The following PCDH15 variants were observed in gnomAD, a reference collection of about 807,000 sequenced individuals.
The protein encoded by PCDH15 is protocadherin-15.
Under a neutral mutation model 178.5 loss-of-function variants are expected in PCDH15, and 129 were observed. That is an observed-to-expected ratio of 0.72 (90% CI 0.63 to 0.84). The LOEUF is 0.84. PCDH15 is among the 40% of genes least tolerant of loss of function. PCDH15 has a pLI of 0.00. For missense variants in PCDH15, 2,230 were observed against 2,099.9 expected (o/e 1.06, Z -1.21); for synonymous variants, 800 against 732.0 (o/e 1.09, Z -1.50).
intron 15 of PCDH15, among the ~76,000 whole-genome samples, chr10:54,110,129 C>A (rs1042836787): frequency 2.6e-5 from 4 of 151,890 alleles, no homozygotes; most frequent in African/African-American, 7.3e-5. Flanking sequence ...GGGGTGAGGG[C>A]TGCATCTGTG....
chr10:54,394,437 GC>G (rs1950947146), intron 3 of PCDH15, among the ~76,000 whole-genome samples: 2 of 152,044 alleles, frequency 1.3e-5, no homozygotes, highest in African/African-American at 4.8e-5. Flanking sequence ...GTTCCGTGAT[GC>G]CCCACAAGCC....
intron 11 of PCDH15, among the ~76,000 whole-genome samples, chr10:54,190,053 G>A (rs1399545764): frequency 6.7e-6 from 1 of 148,490 alleles, no homozygotes; most frequent in Admixed American, 6.7e-5. Flanking sequence ...GTGGCCCTTG[G>A]AATTCTTTCT....
At chr10:53,880,252 C>T (rs77651819) in intron 26 of PCDH15, among the ~76,000 whole-genome samples, 3,538 of 152,216 alleles carry the variant, frequency 0.023, 141 homozygotes, top group African/African-American at 0.08. Context: ...AGATTCAACC[C>T]ATGGGCCCAA....
chr10:55,392,258 G>GA (rs1837811331), intron 2 of PCDH15, among the ~76,000 whole-genome samples: 1 of 152,122 alleles, frequency 6.6e-6, no homozygotes, highest in African/African-American at 2.4e-5. Flanking sequence ...CATTCTCTTG[G>GA]AAAAATGGTG....
intron 2 of PCDH15, among the ~76,000 whole-genome samples, chr10:54,983,552 T>C (rs1321414809): frequency 3.9e-5 from 6 of 152,086 alleles, no homozygotes; most frequent in African/African-American, 1.4e-4. Flanking sequence ...TGAGAAGAAA[T>C]AGTAACCCAG....
At chr10:55,097,527 A>C (rs1318095010) in intron 2 of PCDH15, among the ~76,000 whole-genome samples, 2 of 152,166 alleles carry the variant, frequency 1.3e-5, no homozygotes, top group Non-Finnish European at 2.9e-5. Context: ...TATTGACAAA[A>C]TATACAATTC....
At chr10:54,346,752 A>G (rs893765855) in intron 5 of PCDH15, among the ~76,000 whole-genome samples, 1 of 152,244 alleles carries the variant, frequency 6.6e-6, no homozygotes, top group African/African-American at 2.4e-5. Context: ...ACCAATTTAT[A>G]GCCATTAGTA....
chr10:54,775,376 C>T (rs1949572479), intron 1 of PCDH15, among the ~76,000 whole-genome samples: 1 of 152,104 alleles, frequency 6.6e-6, no homozygotes, highest in South Asian at 2.1e-4. Context: ...AATAGTTATA[C>T]ATGTTTATGG....
intron 20 of PCDH15, among the ~76,000 whole-genome samples, chr10:53,997,619 A>C (rs186267226): frequency 3.3e-5 from 5 of 152,302 alleles, no homozygotes; most frequent in African/African-American, 1.2e-4. Context: ...AACAAAAAAA[A>C]TGTATATACT....
At chr10:54,717,873 A>C (rs1205365267) in intron 1 of PCDH15, among the ~76,000 whole-genome samples, 3 of 143,628 alleles carry the variant, frequency 2.1e-5, no homozygotes, top group Non-Finnish European at 4.6e-5. Context: ...AATGTCCAAC[A>C]ATGATAAACT....
At chr10:54,650,941 G>T (rs750520102) in intron 2 of PCDH15, among the ~76,000 whole-genome samples, 17 of 152,046 alleles carry the variant, frequency 1.1e-4, no homozygotes, top group African/African-American at 1.7e-4. Flanking sequence ...AAGTAGGTAG[G>T]AATTATGTGT....
intron 9 of PCDH15, among the ~76,000 whole-genome samples, chr10:54,216,002 C>CACTGCACT (rs377499264): frequency 0.58 from 79,391 of 137,274 alleles, 24,918 homozygotes; most frequent in Non-Finnish European, 0.7. Context: ...GAGATCGTAC[C>CACTGCACT]ACTGCACTAC....
chr10:54,570,388 C>T (rs2089644337), intron 2 of PCDH15, among the ~76,000 whole-genome samples: 3 of 151,946 alleles, frequency 2.0e-5, no homozygotes, highest in Non-Finnish European at 2.9e-5. Context: ...ATAATATTTT[C>T]AAAATGTACT....
intron 2 of PCDH15, among the ~76,000 whole-genome samples, chr10:55,142,246 A>G (rs1029011713): frequency 3.0e-4 from 45 of 152,142 alleles, no homozygotes; most frequent in Non-Finnish European, 1.0e-4. Flanking sequence ...TATTATAGAA[A>G]AAAAGAACAA....
intron 3 of PCDH15, among the ~76,000 whole-genome samples, chr10:54,522,314 T>A (rs1392687632): frequency 6.6e-6 from 1 of 152,154 alleles, no homozygotes; most frequent in Admixed American, 6.5e-5. Context: ...CTACATACAT[T>A]CAATCAACAT....
At position 55,195,486 on chromosome 10, in the gene PCDH15, CAAAA is replaced by C. The variant is rs34476628; in HGVS notation, c.-155-28839_-155-28836del. The stretch of plus-strand genomic sequence containing the variant: ...TGAAACCCTATTTCTACTAAAAATA[CAAAA>C]AAAAAAAAAAAAAAAATTAGGCGGG... On this transcript the variant is annotated intron_variant, in intron 1 of 5. Transcript: ENST00000458638. Among the ~76,000 whole-genome samples, 169 of 115,186 alleles carry C rather than the reference CAAAA, an allele frequency of 1.5e-3. 2 individuals carry two copies. The highest frequency in any genetic ancestry group is 8.2e-3 in the South Asian group (27 of 3,302). 75.6% of individuals were successfully genotyped at this position (115,186 alleles called of 152,430 possible). A position where few individuals can be genotyped will look rare whatever the true frequency, so the allele number is the denominator to read the frequency against.
intron 8 of PCDH15, among the ~76,000 whole-genome samples, chr10:54,316,975 G>A (rs2133640538): frequency 6.6e-6 from 1 of 152,148 alleles, no homozygotes; most frequent in African/African-American, 2.4e-5. Flanking sequence ...CTGATTATTT[G>A]GAGTTTTTCA....
chr10:55,268,813 T>A (rs1165327945), intron 1 of PCDH15, among the ~76,000 whole-genome samples: 1 of 151,994 alleles, frequency 6.6e-6, no homozygotes, highest in Admixed American at 6.6e-5. Flanking sequence ...AAGTGAAAAA[T>A]TTTAATAGTG....
chr10:54,954,308 T>C (rs1838422345), intron 2 of PCDH15, among the ~76,000 whole-genome samples: 1 of 151,340 alleles, frequency 6.6e-6, no homozygotes, highest in Non-Finnish European at 1.5e-5. Context: ...CATCCTTTCC[T>C]TCTGGGCTTT....
Sources: allele counts gnomAD v4.1 joint callset (sites outside exome capture counted in the v4.1 genomes callset), GRCh38; gene constraint gnomAD v4.1.1; transcripts MANE v1.5; gene names NCBI Gene and HGNC (gene_info 2026-07-23, HGNC 2026-07-21).